ZNF814: variants seen among roughly 807,000 people sequenced by gnomAD.
ZNF814 encodes zinc finger protein 814.
A neutral mutation model predicts 7.5 loss-of-function variants in ZNF814; 5 were observed. That is an observed-to-expected ratio of 0.67 (90% CI 0.35 to 1.40). The LOEUF (loss-of-function observed/expected upper bound fraction) is 1.40, where lower values mean the gene tolerates loss of function less well. ZNF814 is among the 40% of genes most tolerant of loss of function. The probability of loss-of-function intolerance (pLI) is 0.04; values close to 1 mark genes in which losing one functional copy is unlikely to be tolerated. For synonymous variants in ZNF814, 315 were observed against 340.7 expected (o/e 0.92, Z 0.83); for missense variants, 962 against 1,018.0 (o/e 0.94, Z 0.75).
rs779797415 is a variant in ZNF814 at position 57,888,997 on chromosome 19, C to A, written c.-195G>T. 1.9e-5 allele frequency: 11 copies of A among 594,278 alleles called. No homozygotes were observed. The highest frequency in any genetic ancestry group is 3.0e-5 in the Non-Finnish European group (10 of 337,122). The allele number at this position is 594,278 out of a possible 1,614,324, so 36.8% of individuals were successfully genotyped here. A position where few individuals can be genotyped will look rare whatever the true frequency, so the allele number is the denominator to read the frequency against. On this transcript the variant is annotated 5_prime_UTR_variant, in exon 1 of 3. Transcript: ENST00000435989. ...GTCACCACAGTGCGGACCTAGCGCTCAGGAGCCTCTCCTACAAATAAATCC... is the reference window on the plus strand; with the variant it reads ...GTCACCACAGTGCGGACCTAGCGCTAAGGAGCCTCTCCTACAAATAAATCC...
chr19:57,886,749 G>A (rs1400405390), intron 1 of ZNF814, among the ~76,000 whole-genome samples: 5 of 151,976 alleles, frequency 3.3e-5, no homozygotes, highest in Admixed American at 2.0e-4. Context: ...GTGTGGTGGC[G>A]GGTGCCTGTA....
At chr19:57,877,739 C>A (rs2071617759) in intron 1 of ZNF814, among the ~76,000 whole-genome samples, 1 of 152,136 alleles carries the variant, frequency 6.6e-6, no homozygotes, top group South Asian at 2.1e-4. Context: ...CCGCGCCCAG[C>A]CAGCTTAAAG....
chr19:57,891,478 T>G (rs1009619946), upstream of ZNF814, among the ~76,000 whole-genome samples: 4 of 151,018 alleles, frequency 2.6e-5, no homozygotes, highest in South Asian at 2.1e-4. Flanking sequence ...TGAGCCGAGA[T>G]TGCACCACTG....
the ZNF814 span, among the ~76,000 whole-genome samples, chr19:57,895,509 C>T: frequency 6.6e-6 from 1 of 152,054 alleles, no homozygotes; most frequent in African/African-American, 2.4e-5. Flanking sequence ...CTCCTGGTCT[C>T]AGGCAATCCG....
chr19:57,875,943 CTTTTTTTTTTTTT>C (rs567660556), intron 2 of ZNF814, among the ~76,000 whole-genome samples: 33 of 71,426 alleles, frequency 4.6e-4, no homozygotes, highest in African/African-American at 1.5e-3. Context: ...CAGGGTGCCG[CTTTTTTTTTTTTT>C]TTTTTTTTTT....
At chr19:57,885,814 GA>G (rs2071686937) in intron 1 of ZNF814, 1 of 151,532 alleles carries the variant, frequency 6.6e-6, no homozygotes, top group African/African-American at 2.4e-5. Flanking sequence ...TGGATTGTTT[GA>G]AACACAAAGG....
At position 57,873,299 on chromosome 19, in the gene ZNF814, A is replaced by C. The variant is rs1478911393; in HGVS notation, c.2091T>G (p.Phe697Leu). ...GTACAAGGAGGTGAGACTTCTTCTT[A>C]AATAATTTTCCACATTCCCTACATA... ...PYVCRECGKL[F>L]KKKSHLLVHQ... Residue 697 changes from phenylalanine to leucine, a missense_variant, in exon 3 of 3, where the codon TTT becomes TTG. Around this residue, in one of 7 missense-constraint regions of ZNF814, gnomAD observed 665 missense variants for 551.4 expected, o/e 1.21. Transcript: ENST00000435989. The C allele has an allele frequency of 1.3e-6, 2 of 1,590,104 alleles. No individual in the cohort carries two copies. The highest frequency in any genetic ancestry group is 2.3e-5 in the East Asian group (1 of 43,472).
intron 2 of ZNF814, among the ~76,000 whole-genome samples, chr19:57,875,935 G>A (rs1325577685): frequency 7.1e-6 from 1 of 141,320 alleles, no homozygotes; most frequent in Non-Finnish European, 1.5e-5. Flanking sequence ...ACCTCCTCCA[G>A]GGTGCCGCTT....
At chr19:57,902,664 CT>C in the ZNF814 span, among the ~76,000 whole-genome samples, 269 of 143,440 alleles carry the variant, frequency 1.9e-3, no homozygotes, top group Middle Eastern at 0.011. Flanking sequence ...TATTACTCTT[CT>C]TTTTTTTTTT....
the ZNF814 span, among the ~76,000 whole-genome samples, chr19:57,894,476 G>C: frequency 2.0e-5 from 3 of 151,958 alleles, no homozygotes; most frequent in Non-Finnish European, 4.4e-5. Context: ...ACAGCAAGGA[G>C]AAAAGTCCCC....
chr19:57,894,671 T>C, the ZNF814 span, among the ~76,000 whole-genome samples: 212 of 149,454 alleles, frequency 1.4e-3, no homozygotes, highest in Middle Eastern at 3.5e-3. Flanking sequence ...CTACTAAAAA[T>C]ACAAAAAAAA....
chr19:57,876,653 A>G, intron 2 of ZNF814: 1 of 511,688 alleles, frequency 2.0e-6, no homozygotes, highest in South Asian at 4.0e-5. Context: ...GGACAAGGAC[A>G]CCCAAACATC....
At chr19:57,901,810 C>T in the ZNF814 span, 3 of 398,282 alleles carry the variant, frequency 7.5e-6, no homozygotes, top group Non-Finnish European at 1.3e-5. Flanking sequence ...ACTGTAAAAG[C>T]AACTCAAAAT....
the ZNF814 span, among the ~76,000 whole-genome samples, chr19:57,897,712 C>A: frequency 6.6e-6 from 1 of 152,158 alleles, no homozygotes; most frequent in Admixed American, 6.5e-5. Context: ...CAAAGAAGGT[C>A]CCCATGGGTG....
At chr19:57,886,732 T>C (rs925430371) in intron 1 of ZNF814, among the ~76,000 whole-genome samples, 1 of 151,946 alleles carries the variant, frequency 6.6e-6, no homozygotes, top group Non-Finnish European at 1.5e-5. Flanking sequence ...TACAAAAAAT[T>C]AGCCAGGTGT....
At chr19:57,875,460 C>G (rs2560938) in intron 2 of ZNF814, among the ~76,000 whole-genome samples, 103 of 152,230 alleles carry the variant, frequency 6.8e-4, no homozygotes, top group South Asian at 1.2e-3. Context: ...ACAGGGAGTA[C>G]AGGCAGGGTC....
chr19:57,900,864 T>TTTTTTTTTTC, the ZNF814 span, among the ~76,000 whole-genome samples: 851 of 104,774 alleles, frequency 8.1e-3, 53 homozygotes, highest in African/African-American at 0.029. Flanking sequence ...TTTTTTTTTT[T>TTTTTTTTTTC]TGAGACGGAG....
the ZNF814 span, chr19:57,901,836 T>TA: frequency 2.5e-6 from 1 of 397,798 alleles, no homozygotes; most frequent in African/African-American, 2.1e-5. Flanking sequence ...TTATTGGACT[T>TA]ATGTCCCATT....
At position 57,873,785 on chromosome 19, in the gene ZNF814, A is replaced by G. The variant is rs2071578438; in HGVS notation, c.1605T>C (p.Leu535=). Residue 535 remains leucine, a synonymous_variant, in exon 3 of 3, where the codon CTT becomes CTC. Coordinates refer to ENST00000435989, the MANE Select transcript of ZNF814 (RefSeq NM_001144989.2). ...CGKSFSSKGH[L]RNHQQIHTGD... The stretch of plus-strand genomic sequence containing the variant: ...CAGTGTGAATTTGCTGATGGTTCCT[A>G]AGATGTCCTTTTGAACTAAATGATT... The G allele has an allele frequency of 6.2e-7, 1 of 1,613,530 alleles. No individual in the cohort carries two copies. Among genetic ancestry groups the G allele is most frequent in the East Asian group, 2.2e-5 (1 of 44,800 alleles).
Sources: allele counts gnomAD v4.1 joint callset (sites outside exome capture counted in the v4.1 genomes callset), GRCh38; gene constraint gnomAD v4.1.1; regional missense constraint gnomAD v4.1.1; transcripts MANE v1.5; gene names NCBI Gene and HGNC (gene_info 2026-07-23, HGNC 2026-07-21).